The following AMER1 variants were observed in gnomAD, a reference collection of about 807,000 sequenced individuals.
The protein encoded by AMER1 is RP11-403E24.2.
AMER1 carries 16 observed loss-of-function variants against 53.0 expected under a neutral mutation model. That is an observed-to-expected ratio of 0.30 (90% CI 0.20 to 0.46). The LOEUF (loss-of-function observed/expected upper bound fraction) is 0.46, where lower values mean the gene tolerates loss of function less well. Ranked by LOEUF, AMER1 falls within the 20% of genes least tolerant of loss-of-function variation. The pLI is 1.00. For synonymous variants in AMER1, 354 were observed against 331.9 expected (o/e 1.07, Z -0.73); for missense variants, 947 against 884.9 (o/e 1.07, Z -0.89).
At chrX:64,204,289 G>C (rs1930549424) in intron 1 of AMER1, among the ~76,000 whole-genome samples, 1 of 113,789 alleles carries the variant, frequency 8.8e-6, no homozygotes, top group South Asian at 3.5e-4. Flanking sequence ...CAGAGCCGCA[G>C]AGGAAGATGT....
intron 1 of AMER1, among the ~76,000 whole-genome samples, chrX:64,205,146 G>T (rs1483495683): frequency 8.8e-6 from 1 of 113,803 alleles, no homozygotes; most frequent in Non-Finnish European, 1.9e-5. Context: ...AGGGGTGAGC[G>T]GTACCCGCGT....
Position 64,189,793 on chromosome X carries a change from A to ACGGGGGGCCCC in AMER1, c.*85_*86insGGGGCCCCCCG. 6.8e-6 allele frequency: 2 copies of ACGGGGGGCCCC among 292,062 alleles called. No homozygotes were observed. The highest frequency in any genetic ancestry group is 1.7e-4 in the East Asian group (1 of 5,962). The allele number at this position is 292,062 out of a possible 1,213,427, so 24.1% of individuals were successfully genotyped here. Reference sequence around the variant, plus strand: ...CAAAGGGTTTTCAAGTTAAACAACAACCCCCACCCCCCCACCCTTCTGCCC... The same window carrying ACGGGGGGCCCC: ...CAAAGGGTTTTCAAGTTAAACAACAACGGGGGGCCCCCCCCCACCCCCCCACCCTTCTGCCC... On this transcript the variant is annotated 3_prime_UTR_variant, in exon 2 of 2. Coordinates refer to ENST00000374869, the MANE Select transcript of AMER1 (RefSeq NM_152424.4).
rs781499703 is a variant in AMER1 at position 64,191,754 on chromosome X, T to C, written c.1533A>G (p.Pro511=). Residue 511 remains proline (P), a synonymous_variant, in exon 2 of 2, where the codon CCA becomes CCG. Transcript: ENST00000374869. ...SGDALYEFYE[P]DDSLENSPPG... ...GTGGAGAGTTCTCAAGGCTGTCATC[T>C]GGCTCATAGAACTCATATAGGGCAT... 3.3e-6 allele frequency: 4 copies of C among 1,211,858 alleles called. No individual in the cohort carries two copies. Among genetic ancestry groups the C allele is most frequent in the Non-Finnish European group, 4.5e-6 (4 of 895,503 alleles).
At chrX:64,196,868 T>C (rs1205062189) in intron 1 of AMER1, among the ~76,000 whole-genome samples, 1 of 112,048 alleles carries the variant, frequency 8.9e-6, no homozygotes, top group Non-Finnish European at 1.9e-5. Flanking sequence ...CCCAGAACAC[T>C]GGGAAGGAAG....
intron 1 of AMER1, among the ~76,000 whole-genome samples, chrX:64,203,066 T>C (rs942242815): frequency 3.6e-5 from 4 of 111,890 alleles, no homozygotes; most frequent in African/African-American, 1.3e-4. Flanking sequence ...ACCCCTCTAC[T>C]TTCTGGCAGC....
At position 64,191,925 on chromosome X, in the gene AMER1, C is replaced by G; in HGVS notation, c.1362G>C (p.Leu454Phe). 1 of 1,211,647 alleles carries G rather than the reference C, an allele frequency of 8.3e-7. No individual in the cohort carries two copies. The highest frequency in any genetic ancestry group is 1.1e-6 in the Non-Finnish European group (1 of 895,523). ...ATTCTTGCTGGTCACTCTGAGGAGT[C>G]AAAAGTTCCCCAGGGGCTAGGCCAG... The part of the protein sequence containing the change: ...SYPGLAPGEL[L>F]TPQSDQQESA... Residue 454 changes from leucine (L) to phenylalanine (F), a missense_variant, in exon 2 of 2, where the codon TTG becomes TTC. Coordinates refer to ENST00000374869, the MANE Select transcript of AMER1 (RefSeq NM_152424.4).
At chrX:64,198,135 T>C in intron 1 of AMER1, among the ~76,000 whole-genome samples, 1 of 111,577 alleles carries the variant, frequency 9.0e-6, no homozygotes, top group Non-Finnish European at 1.9e-5. Flanking sequence ...ATAGGAGGCT[T>C]TACTTGCTCA....
In AMER1 at chrX:64,189,794, C is replaced by CGGGGGGCG; in HGVS notation, c.*84_*85insCGCCCCCC. 1.3e-5 allele frequency: 4 copies of CGGGGGGCG among 301,657 alleles called. No homozygotes were observed. Among genetic ancestry groups the CGGGGGGCG allele is most frequent in the Non-Finnish European group, 1.3e-5 (3 of 232,736 alleles). 24.9% of individuals were successfully genotyped at this position (301,657 alleles called of 1,213,427 possible). ...AAAGGGTTTTCAAGTTAAACAACAACCCCCACCCCCCCACCCTTCTGCCCA... is the reference window on the plus strand; with the variant it reads ...AAAGGGTTTTCAAGTTAAACAACAACGGGGGGCGCCCCACCCCCCCACCCTTCTGCCCA... On this transcript the variant is annotated 3_prime_UTR_variant, in exon 2 of 2. Transcript: ENST00000374869.
chrX:64,189,174 A>T lies in AMER1; in HGVS notation c.*705T>A. 1 of 801,210 alleles carries T rather than the reference A, an allele frequency of 1.2e-6. No homozygotes were observed. The highest frequency in any genetic ancestry group is 1.5e-6 in the Non-Finnish European group (1 of 668,010). The allele number at this position is 801,210 out of a possible 1,213,427, so 66.0% of individuals were successfully genotyped here. ...CCAAAGTCCACAGCGATAGGCTGTG[A>T]GACACACGCTACTTGATCCTCTCTA... is the stretch of plus-strand genomic sequence containing the variant. On this transcript the variant is annotated 3_prime_UTR_variant, in exon 2 of 2. Transcript: ENST00000374869.
Position 64,186,564 on chromosome X carries a change from T to C in AMER1, c.*3315A>G. Reference sequence around the variant, plus strand: ...CTGAGGGCAGGTGGGGTGGTGGCACTGGCACAGGTAAGGAAAGCTGCTGGC... The same window carrying C: ...CTGAGGGCAGGTGGGGTGGTGGCACCGGCACAGGTAAGGAAAGCTGCTGGC... On this transcript the variant is annotated 3_prime_UTR_variant, in exon 2 of 2. Transcript: ENST00000374869. 1 of 778,433 alleles carries C rather than the reference T, an allele frequency of 1.3e-6. No individual in the cohort carries two copies. Among genetic ancestry groups the C allele is most frequent in the Non-Finnish European group, 1.5e-6 (1 of 653,652 alleles). 64.2% of individuals were successfully genotyped at this position (778,433 alleles called of 1,213,427 possible).
Position 64,193,369 on chromosome X carries a change from A to G in AMER1, c.-83T>C. The G allele has an allele frequency of 8.5e-7, 1 of 1,182,787 alleles. No individual in the cohort carries two copies. Among genetic ancestry groups the G allele is most frequent in the Non-Finnish European group, 1.1e-6 (1 of 873,339 alleles). On this transcript the variant is annotated 5_prime_UTR_variant, in exon 2 of 2. Coordinates refer to ENST00000374869, the MANE Select transcript of AMER1 (RefSeq NM_152424.4). ...ACTGTTATAACATTATCAGTCAGGA[A>G]GCATCACAGTGGGGTCTGGAGGAGA...
At chrX:64,204,915 G>A (rs1303869102) in intron 1 of AMER1, among the ~76,000 whole-genome samples, 1 of 113,284 alleles carries the variant, frequency 8.8e-6, no homozygotes, top group African/African-American at 3.2e-5. Context: ...GGCTAGTTGG[G>A]GCCACAAGGC....
rs773149600 is a variant in AMER1 at position 64,187,611 on chromosome X, G to A, written c.*2268C>T. 3 of 774,561 alleles carry A rather than the reference G, an allele frequency of 3.9e-6. No individual in the cohort carries two copies. The highest frequency in any genetic ancestry group is 9.1e-5 in the East Asian group (1 of 10,971). 63.8% of individuals were successfully genotyped at this position (774,561 alleles called of 1,213,427 possible). Reference sequence around the variant, plus strand: ...TCTGGAGGCTGGTGATGGCTCTACCGCCTGCTGTGGCTGGCACAGTCCACA... The same window carrying A: ...TCTGGAGGCTGGTGATGGCTCTACCACCTGCTGTGGCTGGCACAGTCCACA... On this transcript the variant is annotated 3_prime_UTR_variant, in exon 2 of 2. Transcript: ENST00000374869.
In AMER1 at chrX:64,192,465, A is replaced by G. The variant is rs1012748133; in HGVS notation, c.822T>C (p.Pro274=). Residue 274 remains proline (P), a synonymous_variant, in exon 2 of 2, where the codon CCT becomes CCC. Coordinates refer to ENST00000374869, the MANE Select transcript of AMER1 (RefSeq NM_152424.4). ...CCTCTAGGCTACTGGCTTCAGGGGC[A>G]GGCTTGGGTTGCACATGTGCTGAGG... ...ACASAHVQPK[P]APEASSLEEP... is the part of the protein sequence containing the mutation. 5 of 1,201,477 alleles carry G rather than the reference A, an allele frequency of 4.2e-6. No individual in the cohort carries two copies. The highest frequency in any genetic ancestry group is 2.2e-5 in the Admixed American group (1 of 44,786).
rs1268082018 is a variant in AMER1, at chrX:64,187,132, GC to G, written c.*2746del. Reference sequence around the variant, plus strand: ...AGCACTAGTCTGTGTTTGGAAACAGGCCTGAAGCTTGGCTGGCTCTCCCAAT... The same window carrying G: ...AGCACTAGTCTGTGTTTGGAAACAGGCTGAAGCTTGGCTGGCTCTCCCAAT... On this transcript the variant is annotated 3_prime_UTR_variant, in exon 2 of 2. Transcript: ENST00000374869. 1 of 784,854 alleles carries G rather than the reference GC, an allele frequency of 1.3e-6. No individual in the cohort carries two copies. The highest frequency in any genetic ancestry group is 2.2e-5 in the African/African-American group (1 of 44,457). The allele number at this position is 784,854 out of a possible 1,213,427, so 64.7% of individuals were successfully genotyped here. A position where few individuals can be genotyped will look rare whatever the true frequency, so the allele number is the denominator to read the frequency against.
intron 1 of AMER1, among the ~76,000 whole-genome samples, chrX:64,202,674 T>C (rs147183568): frequency 1.1e-3 from 120 of 111,744 alleles, no homozygotes; most frequent in Non-Finnish European, 1.9e-3. Context: ...AAACTTTCCT[T>C]TGGAGGTAGC....
In AMER1 at chrX:64,188,018, G is replaced by A; in HGVS notation, c.*1861C>T. On this transcript the variant is annotated 3_prime_UTR_variant, in exon 2 of 2. Coordinates refer to ENST00000374869, the MANE Select transcript of AMER1 (RefSeq NM_152424.4). The stretch of plus-strand genomic sequence containing the variant: ...CTTCTACCAGCCAGGTCTGCTATTT[G>A]TGAGTAAGGGCACTGGGCCAACCCC... 2 of 781,835 alleles carry A rather than the reference G, an allele frequency of 2.6e-6. No individual in the cohort carries two copies. The highest frequency in any genetic ancestry group is 6.6e-5 in the South Asian group (1 of 15,045). 64.4% of individuals were successfully genotyped at this position (781,835 alleles called of 1,213,427 possible). A position where few individuals can be genotyped will look rare whatever the true frequency, so the allele number is the denominator to read the frequency against.
At chrX:64,201,767 G>A (rs1930493527) in intron 1 of AMER1, among the ~76,000 whole-genome samples, 1 of 112,333 alleles carries the variant, frequency 8.9e-6, no homozygotes, top group Non-Finnish European at 1.9e-5. Flanking sequence ...GCTTGCTACT[G>A]TTTCCTAGTG....
At chrX:64,202,534 C>A (rs943081191) in intron 1 of AMER1, among the ~76,000 whole-genome samples, 14 of 111,843 alleles carry the variant, frequency 1.3e-4, no homozygotes, top group African/African-American at 4.6e-4. Flanking sequence ...GCAGTTCAAA[C>A]TGGTGCTCCC....
Sources: allele counts gnomAD v4.1 joint callset (sites outside exome capture counted in the v4.1 genomes callset), GRCh38; gene constraint gnomAD v4.1.1; transcripts MANE v1.5; gene names NCBI Gene and HGNC (gene_info 2026-07-23, HGNC 2026-07-21).